THEMIS2: variants seen among roughly 807,000 people sequenced by gnomAD.
THEMIS2 encodes the protein protein THEMIS2.
Under a neutral mutation model 46.8 loss-of-function variants are expected in THEMIS2, and 29 were observed. The observed-to-expected ratio is 0.62, with a 90% CI of 0.46 to 0.84. The LOEUF (loss-of-function observed/expected upper bound fraction) is 0.84, where lower values mean the gene tolerates loss of function less well. Among genes scored for constraint, THEMIS2 ranks in the 40% least tolerant of loss-of-function variants. The pLI is 0.00. For missense variants in THEMIS2, 698 were observed against 834.7 expected, an observed-to-expected ratio of 0.84 and a Z score of 2.02; for synonymous variants, 335 against 349.1, an observed-to-expected ratio of 0.96 and a Z score of 0.45.
Position 27,875,185 on chromosome 1 carries a change from G to A in THEMIS2, c.95-1403G>A, listed in dbSNP as rs1470594761. Among the ~76,000 whole-genome samples the A allele has an allele frequency of 9.2e-5, 14 of 151,798 alleles. 1 individual carries two copies. Among genetic ancestry groups the A allele is most frequent in the Admixed American group, 4.6e-4 (7 of 15,236 alleles). On this transcript the variant is annotated intron_variant, in intron 1 of 5. Transcript: ENST00000373921. ...GTAGAGACGGGGTTTCACCATGTTG[G>A]CCAGGCTGATCTCGAACTCCTGATC...
chr1:27,880,294 C>T (rs772302984), intron 3 of THEMIS2, among the ~76,000 whole-genome samples: 1 of 152,182 alleles, frequency 6.6e-6, no homozygotes, highest in Non-Finnish European at 1.5e-5. Context: ...AAGCGATTCT[C>T]CTGCCTCAGC....
intron 5 of THEMIS2, 59 bp from the exon 6 acceptor site, chr1:27,885,808 C>T: frequency 6.4e-7 from 1 of 1,568,500 alleles, no homozygotes; most frequent in Non-Finnish European, 8.8e-7. Flanking sequence ...AACTGCCCTA[C>T]AGAAGGGAAG....
rs184755897 is a variant in THEMIS2, at chr1:27,876,098, G to T, written c.95-490G>T. On this transcript the variant is annotated intron_variant, in intron 1 of 5. Transcript: ENST00000373921. ...TTTTCCAGGGTGCTAGGAGGGCTGG[G>T]TACCGGCCCTGGCTCCGGGTGATCT... 1.3e-3 allele frequency among the ~76,000 whole-genome samples: 200 copies of T among 151,828 alleles called. 2 individuals are homozygous for T. The highest frequency in any genetic ancestry group is 5.6e-3 in the South Asian group (27 of 4,814).
chr1:27,886,330 A>T lies in THEMIS2; in HGVS notation c.*408A>T, dbSNP rs1261820837. 9.7e-6 allele frequency: 2 copies of T among 205,222 alleles called. No homozygotes were observed. The highest frequency in any genetic ancestry group is 2.0e-5 in the Non-Finnish European group (2 of 100,112). 12.7% of individuals were successfully genotyped at this position (205,222 alleles called of 1,614,324 possible). ...GATTTTGTTAACGTCTGCCACCCCC[A>T]CTCTCACCCCCAAGCTCTAAGCCCC... is the stretch of plus-strand genomic sequence containing the variant. On this transcript the variant is annotated 3_prime_UTR_variant, in exon 6 of 6. Transcript: ENST00000373921.
intron 4 of THEMIS2, chr1:27,884,500 G>T (rs1056213331): frequency 6.6e-6 from 1 of 152,288 alleles, no homozygotes; most frequent in East Asian, 1.9e-4. Context: ...ACAATGGCTG[G>T]ACTGAAACAT....
intron 1 of THEMIS2, among the ~76,000 whole-genome samples, chr1:27,875,930 C>T (rs2089569150): frequency 6.6e-6 from 1 of 151,986 alleles, no homozygotes; most frequent in Non-Finnish European, 1.5e-5. Context: ...TCTCGATCTC[C>T]TGATCTCGTG....
At chr1:27,885,559 C>A in intron 5 of THEMIS2, 108 bp downstream of exon 5, 1 of 1,387,074 alleles carries the variant, frequency 7.2e-7, no homozygotes, top group Non-Finnish European at 9.6e-7. Flanking sequence ...CTTCTATGGT[C>A]CCAGTTTGAT....
intron 1 of THEMIS2, among the ~76,000 whole-genome samples, chr1:27,876,008 TAC>T (rs552079150): frequency 2.5e-4 from 38 of 152,152 alleles, no homozygotes; most frequent in Middle Eastern, 3.4e-3. Context: ...AACCCTCACT[TAC>T]ACACTTTAAA....
chr1:27,881,563 C>G (rs2089678951), intron 3 of THEMIS2, among the ~76,000 whole-genome samples: 1 of 152,000 alleles, frequency 6.6e-6, no homozygotes, highest in Non-Finnish European at 1.5e-5. Flanking sequence ...CGTGGTGGCT[C>G]ATGCCTGTAA....
intron 1 of THEMIS2, among the ~76,000 whole-genome samples, chr1:27,874,035 T>TTTTTTTTTTG (rs1031339406): frequency 6.2e-5 from 8 of 129,516 alleles, no homozygotes; most frequent in Admixed American, 2.3e-4. Context: ...CAACCTAGGT[T>TTTTTTTTTTG]TTTTTTTTTT....
rs761191372 is a variant in THEMIS2 at position 27,882,306 on chromosome 1, C to T, written c.982C>T (p.Pro328Ser). 1.9e-6 allele frequency: 3 copies of T among 1,598,852 alleles called. No homozygotes were observed. In the Admixed American group the frequency reaches 5.1e-5, roughly 27 times the overall value. The change falls in exon 4 of 6, where the codon CCA becomes TCA. Residue 328 changes from proline (P) to serine (S), a missense_variant. Physicochemically the swap from Pro to Ser is moderately conservative, Grantham distance 74 (BLOSUM62 -1). Coordinates refer to ENST00000373921, the MANE Select transcript of THEMIS2 (RefSeq NM_001105556.3). This position sits in a 1 kb window ranked among gnomAD's most constrained non-coding sequence, Gnocchi z 7.6. The part of the protein sequence containing the change: ...GGYQGKLRRR[P>S]REFPTAYDLL... ...CTACCAAGGCAAGCTGCGGCGGCGG[C>T]CAAGGGAGTTCCCCACGGCCTATGA... is the stretch of plus-strand genomic sequence containing the variant.
chr1:27,874,032 G>GGTTTTTTTTTT (rs1553123130), intron 1 of THEMIS2, among the ~76,000 whole-genome samples: 2 of 56,726 alleles, frequency 3.5e-5, no homozygotes, highest in African/African-American at 3.8e-4. Flanking sequence ...GTTCAACCTA[G>GGTTTTTTTTTT]GTTTTTTTTT....
In THEMIS2 at chr1:27,882,518, G is replaced by A. The variant is rs2089700386; in HGVS notation, c.1194G>A (p.Leu398=). 2 of 1,613,834 alleles carry A rather than the reference G, an allele frequency of 1.2e-6. No homozygotes were observed. Among genetic ancestry groups the A allele is most frequent in the Non-Finnish European group, 1.7e-6 (2 of 1,179,736 alleles). Residue 398 remains leucine (L), a synonymous_variant, in exon 4 of 6, where the codon CTG becomes CTA. Transcript: ENST00000373921. This position sits in a 1 kb window ranked among gnomAD's most constrained non-coding sequence, Gnocchi z 7.6. ...TGGATGTCTTGGTTTGTCAGCGGCT[G>A]AGTGACCAGGCTGGGGAGGATGAGG... The part of the protein sequence containing the change: ...SDVDVLVCQR[L]SDQAGEDEEE...
Position 27,879,942 on chromosome 1 carries a change from G to T in THEMIS2, c.534G>T (p.Leu178=). 3.1e-6 allele frequency: 5 copies of T among 1,611,666 alleles called. No individual in the cohort carries two copies. The highest frequency in any genetic ancestry group is 4.2e-6 in the Non-Finnish European group (5 of 1,179,034). ...WTWEPSAPRT[L]LQVLQDPALK... ...GGGAGCCTAGTGCCCCTCGAACTCT[G>T]CTCCAGGTCCTACAGGATCCAGCCC... Residue 178 remains leucine, a synonymous_variant, in exon 3 of 6, where the codon CTG becomes CTT. Coordinates refer to ENST00000373921, the MANE Select transcript of THEMIS2 (RefSeq NM_001105556.3).
chr1:27,877,692 C>A (rs1189730516), intron 2 of THEMIS2, among the ~76,000 whole-genome samples: 1 of 152,158 alleles, frequency 6.6e-6, no homozygotes, highest in African/African-American at 2.4e-5. Context: ...AAGCCAGTGG[C>A]CTGGAATTGA....
chr1:27,883,075 G>A (rs548972693), intron 4 of THEMIS2, 32 bp downstream of exon 4: 8 of 1,557,858 alleles, frequency 5.1e-6, no homozygotes, highest in South Asian at 2.3e-5. Flanking sequence ...GCACGGAGGG[G>A]TCACCTATTG....
intron 2 of THEMIS2, among the ~76,000 whole-genome samples, chr1:27,877,309 C>A (rs2089597997): frequency 6.6e-6 from 1 of 152,000 alleles, no homozygotes; most frequent in Non-Finnish European, 1.5e-5. Flanking sequence ...CCAAGGAGCT[C>A]AATTCTTATT....
chr1:27,885,627 G>A (rs1395508806), intron 5 of THEMIS2, among the ~76,000 whole-genome samples, 176 bp downstream of exon 5: 1 of 152,126 alleles, frequency 6.6e-6, no homozygotes, highest in East Asian at 1.9e-4. Context: ...TTTCCCATGG[G>A]CTCTAGGGCT....
Position 27,886,547 on chromosome 1 carries a change from T to TA in THEMIS2, c.*626dup, listed in dbSNP as rs2089775812. On this transcript the variant is annotated 3_prime_UTR_variant, in exon 6 of 6. Transcript: ENST00000373921. ...GGAGGAGCCAATTTAAGAAGACCCTTATGGAGACCTGAGGCTGCAGAAACT... is the reference window on the plus strand; with the variant it reads ...GGAGGAGCCAATTTAAGAAGACCCTTAATGGAGACCTGAGGCTGCAGAAACT... 3 of 152,212 alleles carry TA rather than the reference T, an allele frequency of 2.0e-5. No homozygotes were observed. The highest frequency in any genetic ancestry group is 7.2e-5 in the African/African-American group (3 of 41,396). 9.4% of individuals were successfully genotyped at this position (152,212 alleles called of 1,614,324 possible).
Sources: gnomAD v4.1 joint callset for allele counts (sites outside exome capture counted in the v4.1 genomes callset) on GRCh38, gnomAD v4.1.1 for gene constraint, Gnocchi (gnomAD v3.1) non-coding constraint, MANE v1.5 for transcripts, NCBI Gene and HGNC (gene_info 2026-07-23, HGNC 2026-07-21) for gene names.